Variants in LRRIQ1 observed in about 807,000 individuals in gnomAD.
LRRIQ1 encodes the protein leucine rich repeats and IQ motif containing 1, also known as leucine-rich repeat- and IQ domain-containing protein 1.
Under a neutral mutation model 211.9 loss-of-function variants are expected in LRRIQ1, and 210 were observed. The ratio of observed to expected loss-of-function variants is 0.99; its 90% CI spans 0.89 to 1.11. The LOEUF is 1.11. Among genes scored for constraint, LRRIQ1 ranks in the 50% most tolerant of loss-of-function variants. The probability of loss-of-function intolerance (pLI) is 0.00; values close to 1 mark genes in which losing one functional copy is unlikely to be tolerated. For synonymous variants in LRRIQ1, 699 were observed against 650.1 expected (o/e 1.08, Z -1.14); for missense variants, 2,136 against 1,939.5 (o/e 1.10, Z -1.90).
chr12:85,107,484 T>G (rs957181872), intron 15 of LRRIQ1, among the ~76,000 whole-genome samples: 2 of 152,154 alleles, frequency 1.3e-5, no homozygotes, highest in African/African-American at 4.8e-5. Flanking sequence ...TCACTGGTAT[T>G]CAACAATTTG....
At chr12:85,206,592 C>G (rs1051442635) in intron 24 of LRRIQ1, among the ~76,000 whole-genome samples, 4 of 152,030 alleles carry the variant, frequency 2.6e-5, no homozygotes, top group Non-Finnish European at 5.9e-5. Context: ...TGAGGGGGTG[C>G]TCCTGCATGA....
intron 15 of LRRIQ1, among the ~76,000 whole-genome samples, chr12:85,113,086 G>A (rs1027887825): frequency 2.6e-5 from 4 of 151,936 alleles, no homozygotes; most frequent in Admixed American, 6.6e-5. Flanking sequence ...TTCTCAATCC[G>A]GAGACATTTG....
Position 85,056,898 on chromosome 12 carries a change from A to G in LRRIQ1, c.2105A>G (p.Asn702Ser), listed in dbSNP as rs750249858. The change falls in exon 8 of 27, where the codon AAC becomes AGC. Residue 702 changes from asparagine (N) to serine (S), a missense_variant. Physicochemically the swap from Asn to Ser is conservative, Grantham distance 46 (BLOSUM62 1). Coordinates refer to ENST00000393217, the MANE Select transcript of LRRIQ1 (RefSeq NM_001079910.2). ...AESSMVSKEV[N>S]SLKSEIRNIS... ...AGCTCCATGGTATCTAAAGAAGTCA[A>G]CTCTCTTAAATCTGAGATTAGAAAT... is the stretch of plus-strand genomic sequence containing the variant. The G allele has an allele frequency of 7.4e-6, 12 of 1,613,130 alleles. No individual in the cohort carries two copies. The highest frequency in any genetic ancestry group is 1.0e-5 in the Non-Finnish European group (12 of 1,179,566).
chr12:85,180,969 T>TTC (rs967403193), intron 24 of LRRIQ1, among the ~76,000 whole-genome samples: 14 of 151,882 alleles, frequency 9.2e-5, no homozygotes, highest in Admixed American at 4.6e-4. Flanking sequence ...ACGATGTAGA[T>TTC]TCTGATAAAT....
chr12:85,047,259 T>C lies in LRRIQ1; in HGVS notation c.467T>C (p.Ile156Thr), dbSNP rs757036599. Residue 156 changes from isoleucine to threonine, a missense_variant, in exon 6 of 27, where the codon ATA (isoleucine) becomes ACA (threonine). By Grantham distance (89) the Ile-to-Thr change is moderately conservative (BLOSUM62 -1). Coordinates refer to ENST00000393217, the MANE Select transcript of LRRIQ1 (RefSeq NM_001079910.2). ...DEHVLPDDAD[I>T]NFGYCEVEEK... is the part of the protein sequence containing the mutation. ...TTCATGAGTGCAGATGATGCTGATA[T>C]AAATTTTGGATACTGTGAAGTGGAA... 6.3e-7 allele frequency: 1 copy of C among 1,590,256 alleles called. No homozygotes were observed. Among genetic ancestry groups the C allele is most frequent in the Non-Finnish European group, 8.5e-7 (1 of 1,173,278 alleles).
intron 13 of LRRIQ1, among the ~76,000 whole-genome samples, chr12:85,100,486 T>C (rs1886266677): frequency 6.6e-6 from 1 of 151,758 alleles, no homozygotes; most frequent in Non-Finnish European, 1.5e-5. Flanking sequence ...AACGTTTGAC[T>C]ATTGAGATGG....
intron 25 of LRRIQ1, among the ~76,000 whole-genome samples, chr12:85,232,253 C>G (rs539669453): frequency 3.3e-5 from 5 of 151,870 alleles, no homozygotes; most frequent in African/African-American, 1.2e-4. Context: ...TATCATTGTT[C>G]TAGTTTTAAA....
intron 24 of LRRIQ1, among the ~76,000 whole-genome samples, chr12:85,219,986 T>C (rs1894322363): frequency 6.6e-6 from 1 of 152,180 alleles, no homozygotes; most frequent in South Asian, 2.1e-4. Flanking sequence ...ATTCCATTTT[T>C]AGTTGTGCTT....
intron 12 of LRRIQ1, 93 bp from the exon 13 acceptor site, chr12:85,098,774 G>T: frequency 1.1e-6 from 1 of 924,030 alleles, no homozygotes; most frequent in Non-Finnish European, 1.6e-6. Flanking sequence ...GAATCTATCT[G>T]TTGTTAGTTT....
At position 85,263,877 on chromosome 12, in the gene LRRIQ1, T is replaced by G. The variant is rs533270007; in HGVS notation, c.*817T>G. 5 of 152,166 alleles carry G rather than the reference T, an allele frequency of 3.3e-5. No individual in the cohort carries two copies. In the South Asian group the frequency reaches 1.0e-3, roughly 31 times the overall value. 9.4% of individuals were successfully genotyped at this position (152,166 alleles called of 1,614,324 possible). A position where few individuals can be genotyped will look rare whatever the true frequency, so the allele number is the denominator to read the frequency against. ...ATTACAGACCCATTTTATTAAAGTC[T>G]TACTGTTGTGTGATTAATGTTCTAC... On this transcript the variant is annotated 3_prime_UTR_variant, in exon 2 of 2. Transcript: ENST00000602731.
intron 15 of LRRIQ1, among the ~76,000 whole-genome samples, chr12:85,114,041 T>C (rs1300574384): frequency 3.3e-5 from 5 of 151,940 alleles, no homozygotes; most frequent in Non-Finnish European, 7.4e-5. Context: ...CACTTACCTG[T>C]AGTGACTCAA....
At chr12:85,163,740 A>G (rs1252547960) in intron 24 of LRRIQ1, among the ~76,000 whole-genome samples, 1 of 152,112 alleles carries the variant, frequency 6.6e-6, no homozygotes, top group African/African-American at 2.4e-5. Flanking sequence ...AATTCAAGGA[A>G]TAGTTGATAT....
intron 24 of LRRIQ1, among the ~76,000 whole-genome samples, chr12:85,184,607 T>A (rs918093637): frequency 6.6e-6 from 1 of 152,002 alleles, no homozygotes; most frequent in Non-Finnish European, 1.5e-5. Context: ...GCCACCTATT[T>A]GAGCTGTTAA....
In LRRIQ1 at chr12:85,195,648, A is replaced by G. The variant is rs375150738; in HGVS notation, c.4823-33869A>G. Among the ~76,000 whole-genome samples, 250 of 151,518 alleles carry G rather than the reference A, an allele frequency of 1.6e-3. No homozygotes were observed. In the Middle Eastern group the frequency reaches 0.037, roughly 23 times the overall value. On this transcript the variant is annotated intron_variant, in intron 24 of 26. Coordinates refer to ENST00000393217, the MANE Select transcript of LRRIQ1 (RefSeq NM_001079910.2). ...CAACCCTTCATGCTAAAAACTCTCAATAAATTAGGTATTGATGGGACGTAT... is the reference window on the plus strand; with the variant it reads ...CAACCCTTCATGCTAAAAACTCTCAGTAAATTAGGTATTGATGGGACGTAT...
At chr12:85,130,343 C>T (rs1228877649) in intron 18 of LRRIQ1, among the ~76,000 whole-genome samples, 1 of 152,160 alleles carries the variant, frequency 6.6e-6, no homozygotes, top group African/African-American at 2.4e-5. Context: ...TGTTATTTTG[C>T]TACCTAAGGA....
At chr12:85,209,053 A>G (rs1286447361) in intron 24 of LRRIQ1, among the ~76,000 whole-genome samples, 1 of 152,198 alleles carries the variant, frequency 6.6e-6, no homozygotes, top group East Asian at 1.9e-4. Flanking sequence ...AAAAGGGACC[A>G]GTCTAAGATT....
chr12:85,190,127 ATAT>A lies in LRRIQ1; in HGVS notation c.4822+29417_4822+29419del, dbSNP rs201376390. On this transcript the variant is annotated intron_variant, in intron 24 of 26. Transcript: ENST00000393217. Reference sequence around the variant, plus strand: ...ACTATAGCTCACATCAATAATAATTATATTATATTTATATATAATATAGTAATA... The same window carrying A: ...ACTATAGCTCACATCAATAATAATTATATATTTATATATAATATAGTAATA... Among the ~76,000 whole-genome samples, 261 of 142,772 alleles carry A rather than the reference ATAT, an allele frequency of 1.8e-3. 6 individuals are homozygous for A. In the East Asian group the frequency reaches 0.043, roughly 23 times the overall value. 93.7% of individuals were successfully genotyped at this position (142,772 alleles called of 152,430 possible).
intron 8 of LRRIQ1, among the ~76,000 whole-genome samples, chr12:85,064,671 G>A (rs1264743690): frequency 1.3e-5 from 2 of 151,754 alleles, no homozygotes; most frequent in Non-Finnish European, 2.9e-5. Context: ...TTAGATTTAA[G>A]TATGTTTAAT....
At chr12:85,217,711 T>C (rs910586576) in intron 24 of LRRIQ1, among the ~76,000 whole-genome samples, 3 of 134,686 alleles carry the variant, frequency 2.2e-5, no homozygotes, top group Middle Eastern at 3.6e-3. Context: ...TATATGTGTG[T>C]GTATATATGT....
Sources: allele counts gnomAD v4.1 joint callset (sites outside exome capture counted in the v4.1 genomes callset), GRCh38; gene constraint gnomAD v4.1.1; transcripts MANE v1.5; gene names NCBI Gene and HGNC (gene_info 2026-07-23, HGNC 2026-07-21).